TMEM164: variants seen among roughly 807,000 people sequenced by gnomAD.
The protein encoded by TMEM164 is transmembrane protein 164.
In TMEM164, 4 loss-of-function variants were observed where a neutral mutation model predicts 18.8. That is an observed-to-expected ratio of 0.21 (90% CI 0.10 to 0.49). The LOEUF (loss-of-function observed/expected upper bound fraction) is 0.49, where lower values mean the gene tolerates loss of function less well. TMEM164 is among the 20% of genes least tolerant of loss of function. The pLI, the probability that TMEM164 is intolerant of heterozygous loss-of-function variation, is 0.98. For missense variants in TMEM164, 108 were observed against 239.9 expected (o/e 0.45, Z 3.63); for synonymous variants, 86 against 101.7 (o/e 0.85, Z 0.93).
intron 4 of TMEM164, among the ~76,000 whole-genome samples, chrX:110,124,172 A>AAGGAAGGC (rs1439147576): frequency 1.2e-5 from 1 of 83,968 alleles, no homozygotes; most frequent in Non-Finnish European, 2.3e-5. Flanking sequence ...GGAAGGAAGG[A>AAGGAAGGC]AGGAAGGCAG....
At chrX:110,048,584 A>G (rs1182641009) in intron 2 of TMEM164, among the ~76,000 whole-genome samples, 1 of 109,440 alleles carries the variant, frequency 9.1e-6, no homozygotes, top group Non-Finnish European at 1.9e-5. Flanking sequence ...CCAAGTCCAT[A>G]GCAGCTGTTT....
intron 2 of TMEM164, among the ~76,000 whole-genome samples, chrX:110,042,538 A>G (rs1935141954): frequency 9.0e-6 from 1 of 111,518 alleles, no homozygotes; most frequent in Non-Finnish European, 1.9e-5. Context: ...GTATGTATAT[A>G]CCTAGGAGTG....
At chrX:110,152,265 A>G (rs189336183) in intron 5 of TMEM164, among the ~76,000 whole-genome samples, 10 of 109,800 alleles carry the variant, frequency 9.1e-5, no homozygotes, top group African/African-American at 3.3e-4. Flanking sequence ...CATGTTGGCC[A>G]GGATGGTCTT....
At chrX:110,092,322 C>T (rs955428925) in intron 3 of TMEM164, among the ~76,000 whole-genome samples, 3 of 111,660 alleles carry the variant, frequency 2.7e-5, no homozygotes, top group African/African-American at 9.8e-5. Flanking sequence ...TTCACAATAT[C>T]GATACTTCCT....
chrX:110,049,906 C>T (rs1490138913), intron 2 of TMEM164, among the ~76,000 whole-genome samples: 1 of 111,140 alleles, frequency 9.0e-6, no homozygotes, highest in Non-Finnish European at 1.9e-5. Flanking sequence ...TTTTTTCTCC[C>T]TGTGGCTAAT....
chrX:110,072,955 G>A (rs1437196872), intron 3 of TMEM164, among the ~76,000 whole-genome samples: 4 of 110,761 alleles, frequency 3.6e-5, no homozygotes, highest in Non-Finnish European at 7.6e-5. Context: ...GATGAGCATA[G>A]TACTCAATAG....
chrX:110,074,868 G>A (rs1418802035), intron 3 of TMEM164, among the ~76,000 whole-genome samples: 2 of 111,894 alleles, frequency 1.8e-5, no homozygotes, highest in Non-Finnish European at 3.8e-5. Context: ...TAGCCTTGTA[G>A]TATAGTTTGA....
At chrX:110,061,562 T>G (rs1936123472) in intron 2 of TMEM164, among the ~76,000 whole-genome samples, 1 of 112,236 alleles carries the variant, frequency 8.9e-6, no homozygotes, top group East Asian at 2.8e-4. Flanking sequence ...GCAACTCTCC[T>G]TATTTTATAC....
chrX:110,176,280 C>G lies in TMEM164; in HGVS notation c.*2829C>G. Reference sequence around the variant, plus strand: ...GCATCCACTCCAAATAGCAGAGACCCAGTCACGCCTGCTTCTGGTCCTCCC... The same window carrying G: ...GCATCCACTCCAAATAGCAGAGACCGAGTCACGCCTGCTTCTGGTCCTCCC... On this transcript the variant is annotated 3_prime_UTR_variant, in exon 7 of 7. Coordinates refer to ENST00000372068, the MANE Select transcript of TMEM164 (RefSeq NM_032227.4). The G allele has an allele frequency of 1.2e-5, 9 of 756,499 alleles. No individual in the cohort carries two copies. Among genetic ancestry groups the G allele is most frequent in the Non-Finnish European group, 1.4e-5 (9 of 639,610 alleles). The allele number at this position is 756,499 out of a possible 1,213,427, so 62.3% of individuals were successfully genotyped here. A position where few individuals can be genotyped will look rare whatever the true frequency, so the allele number is the denominator to read the frequency against.
In TMEM164 at chrX:110,003,574, C is replaced by T; in HGVS notation, c.-201C>T. 2.4e-6 allele frequency: 1 copy of T among 415,717 alleles called. No homozygotes were observed. Among genetic ancestry groups the T allele is most frequent in the Non-Finnish European group, 4.0e-6 (1 of 251,793 alleles). The allele number at this position is 415,717 out of a possible 1,213,427, so 34.3% of individuals were successfully genotyped here. On this transcript the variant is annotated 5_prime_UTR_variant, in exon 2 of 7. Transcript: ENST00000372068. ...AAGCGCGGGGGGCTCCCCCAGACAGCCGTGGGGACAAGTTAGAGCCAGCAC... is the reference window on the plus strand; with the variant it reads ...AAGCGCGGGGGGCTCCCCCAGACAGTCGTGGGGACAAGTTAGAGCCAGCAC...
chrX:110,062,067 T>C (rs1602552620), intron 2 of TMEM164, among the ~76,000 whole-genome samples: 1 of 112,193 alleles, frequency 8.9e-6, no homozygotes, highest in Non-Finnish European at 1.9e-5. Flanking sequence ...ATAAAGGGAA[T>C]GACAAATACA....
intron 5 of TMEM164, among the ~76,000 whole-genome samples, chrX:110,148,435 C>G (rs1227745098): frequency 9.0e-6 from 1 of 111,634 alleles, no homozygotes; most frequent in Non-Finnish European, 1.9e-5. Context: ...GTGCGATTAG[C>G]TCCCACCCCT....
chrX:110,048,635 A>G (rs993110008), intron 2 of TMEM164, among the ~76,000 whole-genome samples: 3 of 109,910 alleles, frequency 2.7e-5, no homozygotes, highest in Non-Finnish European at 5.7e-5. Flanking sequence ...AGGCAATGGT[A>G]TTTTCTTCCA....
At chrX:110,058,172 C>A (rs1156433284) in intron 2 of TMEM164, among the ~76,000 whole-genome samples, 3 of 111,067 alleles carry the variant, frequency 2.7e-5, no homozygotes, top group Non-Finnish European at 5.7e-5. Context: ...GTGTGGATAT[C>A]CAGTTACCCC....
intron 2 of TMEM164, among the ~76,000 whole-genome samples, chrX:110,019,892 C>T (rs1051207949): frequency 9.0e-6 from 1 of 111,483 alleles, no homozygotes; most frequent in African/African-American, 3.3e-5. Flanking sequence ...TTAGTATATT[C>T]TTCCATGTGT....
At chrX:110,157,147 A>G (rs1035806189) in intron 5 of TMEM164, among the ~76,000 whole-genome samples, 2 of 111,682 alleles carry the variant, frequency 1.8e-5, no homozygotes, top group African/African-American at 6.5e-5. Context: ...TAGGGATAAA[A>G]TAGGACTTAG....
In TMEM164 at chrX:110,176,288, C is replaced by T. The variant is rs1302254238; in HGVS notation, c.*2837C>T. The stretch of plus-strand genomic sequence containing the variant: ...TCCAAATAGCAGAGACCCAGTCACG[C>T]CTGCTTCTGGTCCTCCCTGCCCTCA... On this transcript the variant is annotated 3_prime_UTR_variant, in exon 7 of 7. Transcript: ENST00000372068. 1.3e-6 allele frequency: 1 copy of T among 754,764 alleles called. No individual in the cohort carries two copies. Among genetic ancestry groups the T allele is most frequent in the Non-Finnish European group, 1.6e-6 (1 of 639,346 alleles). 62.2% of individuals were successfully genotyped at this position (754,764 alleles called of 1,213,427 possible).
At chrX:110,152,070 T>TTG (rs1363321994) in intron 5 of TMEM164, among the ~76,000 whole-genome samples, 3,377 of 102,376 alleles carry the variant, frequency 0.033, 169 homozygotes, top group African/African-American at 0.12. Context: ...TTTTTTTTTT[T>TTG]GTCTGAGACG....
intron 5 of TMEM164, among the ~76,000 whole-genome samples, chrX:110,160,661 TAGAGGGA>T (rs1257546985): frequency 8.9e-6 from 1 of 112,036 alleles, no homozygotes; most frequent in Non-Finnish European, 1.9e-5. Context: ...TCTATTTCAC[TAGAGGGA>T]GCTCTTGTTT....
Sources: allele counts gnomAD v4.1 joint callset (sites outside exome capture counted in the v4.1 genomes callset), GRCh38; gene constraint gnomAD v4.1.1; transcripts MANE v1.5; gene names NCBI Gene and HGNC (gene_info 2026-07-23, HGNC 2026-07-21).